NUP210L: variants seen among roughly 807,000 people sequenced by gnomAD.
NUP210L encodes nucleoporin 210 like.
Under a neutral mutation model 208.5 loss-of-function variants are expected in NUP210L, and 74 were observed. That is an observed-to-expected ratio of 0.35 (90% CI 0.29 to 0.43). The LOEUF (loss-of-function observed/expected upper bound fraction) is 0.43. Among genes scored for constraint, NUP210L ranks in the 20% least tolerant of loss-of-function variants. The probability of loss-of-function intolerance (pLI) is 1.00; values close to 1 mark genes in which losing one functional copy is unlikely to be tolerated. For synonymous variants in NUP210L, 780 were observed against 816.9 expected, an observed-to-expected ratio of 0.95 and a Z score of 0.77; for missense variants, 1,843 against 2,289.4, an observed-to-expected ratio of 0.81 and a Z score of 3.98.
rs1650812458 is a variant in NUP210L at position 154,010,020 on chromosome 1, G to A, written c.4882C>T (p.Pro1628Ser). ...TGGACCTGAAAGACTTTACTTGCTG[G>A]AATGTCTAGCAAAGTATTACTGAAC... Residue 1628 changes from proline (P) to serine (S), a missense_variant, in exon 35 of 40, where the codon CCA becomes TCA. Coordinates refer to ENST00000368559, the Ensembl canonical transcript of NUP210L. The A allele has an allele frequency of 1.9e-6, 3 of 1,612,886 alleles. No individual in the cohort carries two copies. In the East Asian group the frequency reaches 6.7e-5, roughly 36 times the overall value.
intron 16 of NUP210L, among the ~76,000 whole-genome samples, chr1:154,082,663 C>G (rs1032805336): frequency 1.3e-5 from 2 of 152,286 alleles, no homozygotes; most frequent in East Asian, 1.9e-4. Context: ...ACTCTGCTTC[C>G]GTAATTGGTT....
chr1:154,047,776 C>G (rs1245366027), intron 25 of NUP210L, among the ~76,000 whole-genome samples: 2 of 152,154 alleles, frequency 1.3e-5, no homozygotes, highest in Non-Finnish European at 1.5e-5. Context: ...ACTCCACACT[C>G]TATATTTCTG....
intron 13 of NUP210L, among the ~76,000 whole-genome samples, chr1:154,100,470 C>A (rs1032741960): frequency 9.8e-5 from 14 of 143,478 alleles, no homozygotes; most frequent in Admixed American, 2.8e-4. Context: ...AAACCCAAAA[C>A]AAATATGATT....
intron 15 of NUP210L, among the ~76,000 whole-genome samples, chr1:154,090,613 C>T (rs1655854250): frequency 6.6e-6 from 1 of 152,132 alleles, no homozygotes; most frequent in African/African-American, 2.4e-5. Context: ...GAGTTCAACA[C>T]CAGCCTGGCC....
intron 16 of NUP210L, among the ~76,000 whole-genome samples, chr1:154,087,919 C>T (rs764827351): frequency 2.0e-5 from 3 of 151,964 alleles, no homozygotes; most frequent in African/African-American, 2.4e-5. Context: ...GTGGGGTTGC[C>T]GGGGCTAGGA....
At chr1:154,045,948 G>T in intron 27 of NUP210L, 121 bp downstream of exon 27, 10 of 881,450 alleles carry the variant, frequency 1.1e-5, no homozygotes, top group Non-Finnish European at 1.5e-5. Flanking sequence ...TTGCACCACT[G>T]CACTCCAGCC....
chr1:153,995,998 A>G (rs1649834529), intron 37 of NUP210L: 1 of 283,840 alleles, frequency 3.5e-6, no homozygotes, highest in Non-Finnish European at 7.0e-6. Flanking sequence ...GAGGAGACTT[A>G]AAAAAAAAAT....
chr1:153,998,497 T>C (rs982875695), intron 37 of NUP210L, among the ~76,000 whole-genome samples: 5 of 144,312 alleles, frequency 3.5e-5, no homozygotes, highest in African/African-American at 5.2e-5. Context: ...GAGGTTGCAG[T>C]GAGCTGAGAT....
intron 34 of NUP210L, among the ~76,000 whole-genome samples, chr1:154,010,968 G>A (rs904233920): frequency 1.9e-4 from 29 of 152,056 alleles, no homozygotes; most frequent in African/African-American, 4.8e-5. Flanking sequence ...ATACAATGTT[G>A]TAATACAATT....
At chr1:154,124,687 C>T (rs1484819495) in intron 10 of NUP210L, among the ~76,000 whole-genome samples, 1 of 152,230 alleles carries the variant, frequency 6.6e-6, no homozygotes, top group African/African-American at 2.4e-5. Flanking sequence ...AGTGGTGGCT[C>T]ACACCTGTAA....
rs192793439 is a variant in NUP210L at position 154,145,629 on chromosome 1, G to A, written c.341-2052C>T. Among the ~76,000 whole-genome samples, 9 of 152,012 alleles carry A rather than the reference G, an allele frequency of 5.9e-5. No homozygotes were observed. In the East Asian group the frequency reaches 1.2e-3, roughly 20 times the overall value. ...CAGAATTGAACAAATAAGTAAATACGTCATAGATAATGAAAGTCACTTTTC... is the reference window on the plus strand; with the variant it reads ...CAGAATTGAACAAATAAGTAAATACATCATAGATAATGAAAGTCACTTTTC... On this transcript the variant is annotated intron_variant, in intron 2 of 39. Transcript: ENST00000368559.
intron 27 of NUP210L, among the ~76,000 whole-genome samples, chr1:154,035,441 A>G (rs1340123253): frequency 1.3e-5 from 2 of 149,982 alleles, no homozygotes; most frequent in Admixed American, 6.7e-5. Context: ...CTTGCTGCCC[A>G]GGCTGGAGTG....
chr1:154,091,071 G>GTCA (rs1553234168), intron 15 of NUP210L, among the ~76,000 whole-genome samples: 2 of 140,818 alleles, frequency 1.4e-5, no homozygotes, highest in Admixed American at 1.5e-4. Flanking sequence ...TATTATTGCT[G>GTCA]TTATTATTAT....
At chr1:154,143,408 T>C in intron 3 of NUP210L, 38 bp downstream of exon 3, 1 of 1,594,540 alleles carries the variant, frequency 6.3e-7, no homozygotes, top group Non-Finnish European at 8.6e-7. Flanking sequence ...TATTACTTTA[T>C]TTTAGGTAAT....
intron 37 of NUP210L, chr1:153,995,791 C>A (rs749679238): frequency 1.2e-5 from 8 of 654,504 alleles, no homozygotes; most frequent in Admixed American, 1.8e-5. Context: ...AGGCAGACTT[C>A]AAGGGATTCG....
At chr1:154,003,238 C>T (rs1650320256) in intron 35 of NUP210L, among the ~76,000 whole-genome samples, 1 of 151,182 alleles carries the variant, frequency 6.6e-6, no homozygotes, top group African/African-American at 2.4e-5. Context: ...GACAGAGTCT[C>T]GCCCTGTTGC....
chr1:154,056,159 T>C (rs1571220760), intron 23 of NUP210L, among the ~76,000 whole-genome samples: 1 of 152,230 alleles, frequency 6.6e-6, no homozygotes, highest in African/African-American at 2.4e-5. Context: ...TCTTTTCTTT[T>C]CTTTTTTTAA....
chr1:153,993,039 G>T, exon 39 of NUP210L: 1 of 1,613,706 alleles, frequency 6.2e-7, no homozygotes, highest in Middle Eastern at 1.6e-4. Flanking sequence ...CCTAGAGTTG[G>T]TACATACACA....
At chr1:154,107,173 A>C (rs561676373) in intron 12 of NUP210L, among the ~76,000 whole-genome samples, 82 of 152,278 alleles carry the variant, frequency 5.4e-4, no homozygotes, top group Non-Finnish European at 1.1e-3. Context: ...AATAATTTTA[A>C]AAAGCAGAAA....
Sources: allele counts gnomAD v4.1 joint callset (sites outside exome capture counted in the v4.1 genomes callset), GRCh38; gene constraint gnomAD v4.1.1; transcripts MANE v1.5; gene names NCBI Gene and HGNC (gene_info 2026-07-23, HGNC 2026-07-21).